SEMA3D: variants seen among roughly 807,000 people sequenced by gnomAD.
The protein encoded by SEMA3D is semaphorin-3D.
SEMA3D carries 84 observed loss-of-function variants against 100.1 expected under a neutral mutation model. The ratio of observed to expected loss-of-function variants is 0.84; its 90% CI spans 0.70 to 1.01. SEMA3D has a LOEUF of 1.01. Among genes scored for constraint, SEMA3D ranks in the 50% least tolerant of loss-of-function variants. The pLI, the probability that SEMA3D is intolerant of heterozygous loss-of-function variation, is 0.00. For synonymous variants in SEMA3D, 312 were observed against 320.7 expected, an observed-to-expected ratio of 0.97 and a Z score of 0.29; for missense variants, 875 against 934.1, an observed-to-expected ratio of 0.94 and a Z score of 0.82.
chr7:85,121,777 T>C lies in SEMA3D; in HGVS notation c.115A>G (p.Lys39Glu), dbSNP rs746464547. 8.7e-6 allele frequency: 14 copies of C among 1,605,422 alleles called. 1 individual carries two copies. The East Asian group carries it at 3.1e-4, about 36-fold the overall frequency. Reference protein sequence around the residue: ...MLFLPVTGTLKQNIPRLKLTY... With the variant: ...MLFLPVTGTLEQNIPRLKLTY... ...AGCTTGAGTCTTGGAATATTTTGCT[T>C]CAAAGTGCCAGTGACTGGAAGAAAC... is the stretch of plus-strand genomic sequence containing the variant. Residue 39 changes from lysine to glutamate, a missense_variant, in exon 3 of 19, where the codon AAG (lysine) becomes GAG (glutamate). Physicochemically the swap from Lys to Glu is moderately conservative, Grantham distance 56. Coordinates refer to ENST00000284136, the MANE Select transcript of SEMA3D (RefSeq NM_001384900.1).
chr7:85,250,176 G>T, the SEMA3D span, among the ~76,000 whole-genome samples: 1 of 150,638 alleles, frequency 6.6e-6, no homozygotes, highest in East Asian at 2.0e-4. Context: ...AAAAAATGGC[G>T]CACCACGAGA....
the SEMA3D span, among the ~76,000 whole-genome samples, chr7:85,206,061 T>G: frequency 6.6e-6 from 1 of 152,104 alleles, no homozygotes; most frequent in African/African-American, 2.4e-5. Context: ...CTAATGTTTC[T>G]GAGGAAAATG....
chr7:85,090,244 G>C (rs977495753), intron 4 of SEMA3D, among the ~76,000 whole-genome samples: 1 of 152,160 alleles, frequency 6.6e-6, no homozygotes, highest in African/African-American at 2.4e-5. Flanking sequence ...ATTGGACACA[G>C]AGAAGGAGTT....
intron 1 of SEMA3D, among the ~76,000 whole-genome samples, chr7:85,169,477 A>G (rs1271524299): frequency 1.3e-5 from 2 of 151,870 alleles, no homozygotes; most frequent in Non-Finnish European, 2.9e-5. Flanking sequence ...TAAGGAGGCA[A>G]AATAGAGTAC....
At position 85,054,616 on chromosome 7, in the gene SEMA3D, T is replaced by A. The variant is rs1791256723; in HGVS notation, c.861+1101A>T. Among the ~76,000 whole-genome samples the A allele has an allele frequency of 2.6e-5, 4 of 152,130 alleles. No individual in the cohort carries two copies. The South Asian group carries it at 8.3e-4, about 31-fold the overall frequency. ...AAGTTGGCCTCATTCAAAAGCCATG[T>A]TTTCATTAGCACTTTTAAGTGCAAT... is the stretch of plus-strand genomic sequence containing the variant. On this transcript the variant is annotated intron_variant, in intron 9 of 18. Transcript: ENST00000284136.
At chr7:85,020,427 C>G (rs1279597637) in intron 13 of SEMA3D, 106 bp from the exon 14 acceptor site, 2 of 730,656 alleles carry the variant, frequency 2.7e-6, no homozygotes, top group African/African-American at 1.8e-5. Context: ...TCTTTAAATG[C>G]CTTTCAAAAA....
chr7:85,225,071 T>C, the SEMA3D span, among the ~76,000 whole-genome samples: 9 of 39,232 alleles, frequency 2.3e-4, no homozygotes, highest in Non-Finnish European at 1.2e-3. Context: ...TATATATATA[T>C]ATATATATAT....
intron 3 of SEMA3D, among the ~76,000 whole-genome samples, chr7:85,110,248 C>T (rs1335377236): frequency 6.6e-6 from 1 of 151,882 alleles, no homozygotes; most frequent in African/African-American, 2.4e-5. Flanking sequence ...GAGCAATGTT[C>T]CATATACAAT....
intron 13 of SEMA3D, among the ~76,000 whole-genome samples, chr7:85,021,272 G>C (rs1372571445): frequency 6.6e-6 from 1 of 151,718 alleles, no homozygotes; most frequent in South Asian, 2.1e-4. Flanking sequence ...CTCAGTAAAG[G>C]TTAGATATTA....
chr7:85,050,638 T>C, intron 9 of SEMA3D: 1 of 428,568 alleles, frequency 2.3e-6, no homozygotes, highest in Non-Finnish European at 4.2e-6. Context: ...CATTGATATC[T>C]CTTGACCAAA....
At chr7:85,242,113 C>G in the SEMA3D span, among the ~76,000 whole-genome samples, 22 of 151,882 alleles carry the variant, frequency 1.4e-4, no homozygotes, top group African/African-American at 5.3e-4. Context: ...ATCTTATGGA[C>G]CTTCTCAAAG....
At chr7:85,152,848 G>C (rs555693778) in intron 2 of SEMA3D, among the ~76,000 whole-genome samples, 5 of 152,044 alleles carry the variant, frequency 3.3e-5, no homozygotes, top group Non-Finnish European at 7.4e-5. Context: ...CTTTAGTTCT[G>C]GAGCTAAAGC....
chr7:85,047,280 C>T (rs1420735846), intron 9 of SEMA3D, among the ~76,000 whole-genome samples: 2 of 151,840 alleles, frequency 1.3e-5, no homozygotes, highest in Non-Finnish European at 2.9e-5. Context: ...CTAAGATCTT[C>T]TAATCATAGC....
At chr7:85,156,901 A>G (rs1426621254) in intron 1 of SEMA3D, among the ~76,000 whole-genome samples, 1 of 152,208 alleles carries the variant, frequency 6.6e-6, no homozygotes, top group Admixed American at 6.5e-5. Context: ...AAATAAAACA[A>G]AAAGTAATGG....
At chr7:85,121,585 G>C (rs1282639280) in intron 3 of SEMA3D, among the ~76,000 whole-genome samples, 156 bp downstream of exon 3, 3 of 152,182 alleles carry the variant, frequency 2.0e-5, no homozygotes, top group Non-Finnish European at 2.9e-5. Context: ...ACAAAAATGA[G>C]TAATTGGGCT....
chr7:85,241,340 A>C, the SEMA3D span, among the ~76,000 whole-genome samples: 1 of 151,608 alleles, frequency 6.6e-6, no homozygotes, highest in Non-Finnish European at 1.5e-5. Flanking sequence ...CCCAGAGGAA[A>C]AGAAGTTATT....
intron 2 of SEMA3D, among the ~76,000 whole-genome samples, chr7:85,134,274 T>C (rs1789799952): frequency 6.6e-6 from 1 of 151,960 alleles, no homozygotes. Context: ...ACTAAATATG[T>C]TTGAAGAAAA....
At chr7:85,027,937 C>A in intron 12 of SEMA3D, 2 of 589,278 alleles carry the variant, frequency 3.4e-6, no homozygotes, top group Non-Finnish European at 6.6e-6. Context: ...GGAAACCGAA[C>A]CATGCCAAAC....
chr7:85,143,189 A>G (rs1445054014), intron 2 of SEMA3D: 1 of 971,750 alleles, frequency 1.0e-6, no homozygotes, highest in Non-Finnish European at 1.2e-6. Flanking sequence ...ATCAGGTCAT[A>G]TGAGAAAAGT....
Sources: allele counts gnomAD v4.1 joint callset (sites outside exome capture counted in the v4.1 genomes callset), GRCh38; gene constraint gnomAD v4.1.1; transcripts MANE v1.5; gene names NCBI Gene and HGNC (gene_info 2026-07-23, HGNC 2026-07-21).